Variants in ERC1 observed in about 807,000 individuals in gnomAD.
ERC1 encodes the protein RAB6 interacting protein 2.
In ERC1, 56 loss-of-function variants were observed where a neutral mutation model predicts 132.0. The observed-to-expected ratio is 0.42, with a 90% CI of 0.34 to 0.53. ERC1 has a LOEUF of 0.53. ERC1 is among the 20% of genes least tolerant of loss of function. The pLI, the probability that ERC1 is intolerant of heterozygous loss-of-function variation, is 0.03. For missense variants in ERC1, 1,202 were observed against 1,349.9 expected (o/e 0.89, Z 1.72); for synonymous variants, 478 against 476.1 (o/e 1.00, Z -0.05).
In ERC1 at chr12:1,126,051, A is replaced by G. The variant is rs774993048; in HGVS notation, c.1569+10018A>G. On this transcript the variant is annotated intron_variant, in intron 7 of 18. Coordinates refer to ENST00000360905, the MANE Select transcript of ERC1 (RefSeq NM_178040.4). ...TTGTAAGGTGAAATGAGTTCTGGAG[A>G]TTGGTTGCACAACAGTGTGAATATA... is the stretch of plus-strand genomic sequence containing the variant. Among the ~76,000 whole-genome samples, 11 of 152,304 alleles carry G rather than the reference A, an allele frequency of 7.2e-5. No individual in the cohort carries two copies. In the Middle Eastern group the frequency reaches 0.024, roughly 330 times the overall value.
At chr12:1,438,092 T>C (rs1405042337) in intron 17 of ERC1, among the ~76,000 whole-genome samples, 2 of 152,210 alleles carry the variant, frequency 1.3e-5, no homozygotes, top group African/African-American at 4.8e-5. Context: ...AACTGAATTA[T>C]ATGATTTTGT....
At chr12:1,013,730 TTCTG>T (rs1367606581) in intron 1 of ERC1, among the ~76,000 whole-genome samples, 4 of 152,152 alleles carry the variant, frequency 2.6e-5, no homozygotes, top group African/African-American at 9.7e-5. Context: ...CTTTCTGTCT[TTCTG>T]TCTGTCTGTC....
chr12:1,092,188 G>A (rs1037979580), intron 3 of ERC1, among the ~76,000 whole-genome samples: 1 of 151,982 alleles, frequency 6.6e-6, no homozygotes, highest in Non-Finnish European at 1.5e-5. Context: ...TAGTAGAGAC[G>A]AGGTTTCACC....
intron 1 of ERC1, among the ~76,000 whole-genome samples, chr12:1,009,056 AAG>A (rs1964218268): frequency 2.0e-5 from 3 of 151,154 alleles, no homozygotes; most frequent in Non-Finnish European, 4.4e-5. Flanking sequence ...TTAAAAAAAG[AAG>A]TTTGTGACTT....
intron 8 of ERC1, among the ~76,000 whole-genome samples, chr12:1,171,469 C>A (rs1311910133): frequency 6.6e-6 from 1 of 150,470 alleles, no homozygotes. Flanking sequence ...GACTTAGAAC[C>A]TGAAAAGGAA....
intron 13 of ERC1, among the ~76,000 whole-genome samples, chr12:1,250,686 C>A (rs1194486919): frequency 6.6e-6 from 1 of 152,044 alleles, no homozygotes; most frequent in Non-Finnish European, 1.5e-5. Flanking sequence ...TGCCATCTTC[C>A]CTTAGTTGAG....
chr12:1,347,513 A>C (rs1308656055), intron 15 of ERC1, among the ~76,000 whole-genome samples: 1 of 152,226 alleles, frequency 6.6e-6, no homozygotes, highest in Non-Finnish European at 1.5e-5. Context: ...AGCAATTTTC[A>C]AGATGTAGTA....
chr12:1,251,399 T>A (rs1027758807), intron 13 of ERC1, among the ~76,000 whole-genome samples: 4 of 152,162 alleles, frequency 2.6e-5, no homozygotes, highest in Non-Finnish European at 5.9e-5. Flanking sequence ...TAAAAATTTT[T>A]TCTTAGTAAA....
chr12:1,213,525 T>C (rs184170324), intron 12 of ERC1, among the ~76,000 whole-genome samples: 1 of 151,970 alleles, frequency 6.6e-6, no homozygotes, highest in East Asian at 1.9e-4. Flanking sequence ...TCACTCAAGC[T>C]TAGGAGTTTG....
intron 12 of ERC1, among the ~76,000 whole-genome samples, chr12:1,220,650 G>C (rs1958890430): frequency 6.6e-6 from 1 of 152,126 alleles, no homozygotes; most frequent in Admixed American, 6.5e-5. Context: ...AGCTCATCTG[G>C]CACCTATTTT....
chr12:1,277,897 ATCT>A (rs1424469796), intron 14 of ERC1, among the ~76,000 whole-genome samples: 1 of 152,240 alleles, frequency 6.6e-6, no homozygotes, highest in Middle Eastern at 3.2e-3. Flanking sequence ...GTTCACGATC[ATCT>A]TCTCTTTGCC....
intron 10 of ERC1, 52 bp downstream of exon 10, chr12:1,182,117 C>G: frequency 6.4e-7 from 1 of 1,560,968 alleles, no homozygotes; most frequent in South Asian, 1.2e-5. Flanking sequence ...TTGCATGTGT[C>G]TGTATGTTGG....
intron 14 of ERC1, among the ~76,000 whole-genome samples, chr12:1,264,537 G>A (rs1051848471): frequency 1.4e-4 from 21 of 152,000 alleles, no homozygotes; most frequent in African/African-American, 3.9e-4. Context: ...GGTGGCGGGC[G>A]CCTGTAGTCC....
intron 12 of ERC1, among the ~76,000 whole-genome samples, chr12:1,196,269 A>G (rs1033682250): frequency 6.6e-6 from 1 of 151,950 alleles, no homozygotes; most frequent in Admixed American, 6.6e-5. Context: ...CCCCCACCCA[A>G]ATGCCTGGAA....
chr12:1,124,678 A>C (rs888653219), intron 7 of ERC1, among the ~76,000 whole-genome samples: 1 of 152,128 alleles, frequency 6.6e-6, no homozygotes, highest in Non-Finnish European at 1.5e-5. Flanking sequence ...GAATAAAACA[A>C]CACCAAGAGG....
chr12:1,196,905 T>TGC (rs1956329889), intron 12 of ERC1, among the ~76,000 whole-genome samples: 1 of 57,718 alleles, frequency 1.7e-5, no homozygotes, highest in Non-Finnish European at 3.2e-5. Context: ...TCTGTCTCTC[T>TGC]ACACACACAC....
intron 11 of ERC1, among the ~76,000 whole-genome samples, chr12:1,185,169 A>G (rs1030828151): frequency 3.3e-5 from 5 of 151,350 alleles, no homozygotes; most frequent in Admixed American, 6.6e-5. Flanking sequence ...TCAGCCTCCC[A>G]AAGTGCTGGG....
In ERC1 at chr12:1,418,167, T is replaced by C. The variant is rs542769082; in HGVS notation, c.3024+9920T>C. Among the ~76,000 whole-genome samples, 5 of 152,328 alleles carry C rather than the reference T, an allele frequency of 3.3e-5. No homozygotes were observed. The South Asian group carries it at 6.2e-4, about 19-fold the overall frequency. On this transcript the variant is annotated intron_variant, in intron 17 of 18. Transcript: ENST00000360905. ...TTTTTTAAAGACGTTATTATGCCTT[T>C]GTGTTCATGCTGATTACAAGAGAGA...
chr12:1,335,972 T>G (rs2083281074), intron 15 of ERC1, among the ~76,000 whole-genome samples: 1 of 152,178 alleles, frequency 6.6e-6, no homozygotes, highest in South Asian at 2.1e-4. Context: ...GGATTCAGTT[T>G]CTTCCTGGTT....
Sources: gnomAD v4.1 joint callset for allele counts (sites outside exome capture counted in the v4.1 genomes callset) on GRCh38, gnomAD v4.1.1 for gene constraint, MANE v1.5 for transcripts, NCBI Gene and HGNC (gene_info 2026-07-23, HGNC 2026-07-21) for gene names.